NALF1: variants seen among roughly 807,000 people sequenced by gnomAD.
NALF1 encodes the protein NALCN channel auxiliary factor 1.
In NALF1, 3 loss-of-function variants were observed where a neutral mutation model predicts 48.4. The observed-to-expected ratio is 0.06, with a 90% CI of 0.03 to 0.16. The LOEUF (loss-of-function observed/expected upper bound fraction) is 0.16. NALF1 is among the 10% of genes least tolerant of loss of function. NALF1 has a pLI of 1.00. For synonymous variants in NALF1, 262 were observed against 245.7 expected (o/e 1.07, Z -0.62); for missense variants, 526 against 571.5 (o/e 0.92, Z 0.81).
chr13:107,503,921 G>C (rs527238960), intron 1 of NALF1, among the ~76,000 whole-genome samples: 61 of 130,758 alleles, frequency 4.7e-4, no homozygotes, highest in Non-Finnish European at 5.3e-5. Flanking sequence ...TCACTTACAT[G>C]TGATTTTTTT....
chr13:107,848,342 C>A (rs1880224358), intron 1 of NALF1, among the ~76,000 whole-genome samples: 1 of 152,130 alleles, frequency 6.6e-6, no homozygotes, highest in East Asian at 1.9e-4. Context: ...TAAAGAACGA[C>A]AGAAACTCTA....
intron 1 of NALF1, among the ~76,000 whole-genome samples, chr13:107,644,548 A>T (rs928989555): frequency 1.1e-4 from 16 of 151,332 alleles, no homozygotes; most frequent in Admixed American, 5.3e-4. Flanking sequence ...TGGCTACTTA[A>T]TGCATTCTTC....
At chr13:107,318,634 G>T (rs921251162) in intron 1 of NALF1, among the ~76,000 whole-genome samples, 1 of 151,964 alleles carries the variant, frequency 6.6e-6, no homozygotes. Flanking sequence ...TCTTGATAGC[G>T]CAACTTGGAA....
At chr13:107,233,945 G>A (rs553378664) in intron 1 of NALF1, among the ~76,000 whole-genome samples, 6 of 152,140 alleles carry the variant, frequency 3.9e-5, no homozygotes, top group Non-Finnish European at 7.3e-5. Context: ...TTGTTTTTAT[G>A]ACATTGTTAT....
chr13:107,259,711 G>A (rs1880893360), intron 1 of NALF1, among the ~76,000 whole-genome samples: 1 of 152,192 alleles, frequency 6.6e-6, no homozygotes, highest in African/African-American at 2.4e-5. Context: ...TAAGGTAGAG[G>A]AGGCATATAT....
At chr13:107,635,234 TA>T (rs1879942884) in intron 1 of NALF1, among the ~76,000 whole-genome samples, 1 of 152,066 alleles carries the variant, frequency 6.6e-6, no homozygotes. Context: ...GGGTAATTTA[TA>T]AAGGAAAGGG....
intron 1 of NALF1, among the ~76,000 whole-genome samples, chr13:107,562,699 C>T (rs1877682581): frequency 6.6e-6 from 1 of 152,176 alleles, no homozygotes; most frequent in Non-Finnish European, 1.5e-5. Flanking sequence ...ACCATACGAA[C>T]TCATTCTTTA....
chr13:107,696,108 G>A (rs1881695636), intron 1 of NALF1, among the ~76,000 whole-genome samples: 1 of 152,124 alleles, frequency 6.6e-6, no homozygotes, highest in South Asian at 2.1e-4. Context: ...ATGTTGGCCA[G>A]GCTGGCCTTG....
chr13:107,591,590 G>T (rs12876340), intron 1 of NALF1, among the ~76,000 whole-genome samples: 5 of 151,768 alleles, frequency 3.3e-5, no homozygotes, highest in African/African-American at 9.7e-5. Context: ...ACTGGATTTA[G>T]GTCTGTTTGA....
In NALF1 at chr13:107,614,803, A is replaced by T. The variant is rs577563745; in HGVS notation, c.915+250879T>A. ...CTTTCTTTTCTTTTTTTGAAGACAGAGTCTCGCTCTGTCACCCAGGCTGGA... is the reference window on the plus strand; with the variant it reads ...CTTTCTTTTCTTTTTTTGAAGACAGTGTCTCGCTCTGTCACCCAGGCTGGA... On this transcript the variant is annotated intron_variant, in intron 1 of 2. Coordinates refer to ENST00000375915, the MANE Select transcript of NALF1 (RefSeq NM_001080396.3). Among the ~76,000 whole-genome samples the T allele has an allele frequency of 6.8e-5, 10 of 147,156 alleles. No homozygotes were observed. In the South Asian group the frequency reaches 2.2e-3, roughly 32 times the overall value.
rs554846668 is a variant in NALF1 at position 107,586,245 on chromosome 13, T to C, written c.915+279437A>G. On this transcript the variant is annotated intron_variant, in intron 1 of 2. Transcript: ENST00000375915. ...ACTACTACTGAATCTTAATCCCACT[T>C]TTCTCATTTACAAAGTGGGGCAATA... Among the ~76,000 whole-genome samples the C allele has an allele frequency of 7.2e-5, 11 of 152,200 alleles. No homozygotes were observed. In the South Asian group the frequency reaches 2.3e-3, roughly 32 times the overall value.
intron 1 of NALF1, among the ~76,000 whole-genome samples, chr13:107,503,793 A>G: frequency 7.1e-6 from 1 of 141,512 alleles, no homozygotes; most frequent in Admixed American, 7.1e-5. Context: ...GTGTGTAATG[A>G]AGTATTATTC....
chr13:107,419,515 G>A (rs1377894357), intron 1 of NALF1, among the ~76,000 whole-genome samples: 1 of 152,296 alleles, frequency 6.6e-6, no homozygotes, highest in East Asian at 1.9e-4. Flanking sequence ...TCATATCACT[G>A]AAGAGGTGAA....
chr13:107,561,087 A>G (rs1877632025), intron 1 of NALF1, among the ~76,000 whole-genome samples: 1 of 152,206 alleles, frequency 6.6e-6, no homozygotes, highest in Admixed American at 6.5e-5. Flanking sequence ...ATGCCTTAAT[A>G]CCCACTAAGG....
intron 1 of NALF1, among the ~76,000 whole-genome samples, chr13:107,295,952 C>T (rs979127549): frequency 4.6e-5 from 7 of 152,126 alleles, no homozygotes; most frequent in Admixed American, 1.3e-4. Flanking sequence ...GACTGAATTC[C>T]TTTAAAATGC....
At position 107,169,325 on chromosome 13, in the gene NALF1, G is replaced by T. The variant is rs1304200350; in HGVS notation, c.*1172C>A. On this transcript the variant is annotated 3_prime_UTR_variant, in exon 3 of 3. Transcript: ENST00000375915. ...TAGGGAAATACTGGAATAAAATTGT[G>T]TATATTCTGTATATTGCAGGTGTTT... 6.6e-6 allele frequency: 1 copy of T among 152,216 alleles called. No homozygotes were observed. The allele number at this position is 152,216 out of a possible 1,614,324, so 9.4% of individuals were successfully genotyped here. A position where few individuals can be genotyped will look rare whatever the true frequency, so the allele number is the denominator to read the frequency against.
intron 1 of NALF1, among the ~76,000 whole-genome samples, chr13:107,277,013 C>T (rs1280024740): frequency 1.3e-5 from 2 of 152,096 alleles, no homozygotes; most frequent in Non-Finnish European, 2.9e-5. Context: ...TTCTCCTAAA[C>T]GTTATGTAAG....
chr13:107,729,626 A>G (rs9514728), intron 1 of NALF1, among the ~76,000 whole-genome samples: 151,408 of 152,034 alleles, frequency 1, 75,397 homozygotes, highest in South Asian at 1. Context: ...ACAGGCGCCC[A>G]CCACCACGCC....
At chr13:107,319,578 T>C (rs2138912372) in intron 1 of NALF1, among the ~76,000 whole-genome samples, 1 of 152,180 alleles carries the variant, frequency 6.6e-6, no homozygotes, top group Middle Eastern at 3.4e-3. Flanking sequence ...GGTTCATAAA[T>C]ATAAAAAGAA....
Sources: allele counts gnomAD v4.1 joint callset (sites outside exome capture counted in the v4.1 genomes callset), GRCh38; gene constraint gnomAD v4.1.1; transcripts MANE v1.5; gene names NCBI Gene and HGNC (gene_info 2026-07-23, HGNC 2026-07-21).